The following KCNJ12 variants were observed in gnomAD, a reference collection of about 807,000 sequenced individuals.
The protein encoded by KCNJ12 is potassium inwardly rectifying channel subfamily J member 12.
Under a neutral mutation model 22.3 loss-of-function variants are expected in KCNJ12, and 2 were observed. The ratio of observed to expected loss-of-function variants is 0.09; its 90% CI spans 0.04 to 0.28. The LOEUF (loss-of-function observed/expected upper bound fraction) is 0.28. Among genes scored for constraint, KCNJ12 ranks in the 10% least tolerant of loss-of-function variants. The pLI is 1.00. For synonymous variants in KCNJ12, 117 were observed against 261.4 expected (o/e 0.45, Z 5.33); for missense variants, 155 against 633.3 (o/e 0.24, Z 8.11).
intron 1 of KCNJ12, among the ~76,000 whole-genome samples, chr17:21,388,792 G>A (rs1263438465): frequency 6.6e-6 from 1 of 152,226 alleles, no homozygotes; most frequent in Non-Finnish European, 1.5e-5. Flanking sequence ...GGGGCCACTG[G>A]GGGAGGCGGT....
In KCNJ12 at chr17:21,376,705, C is replaced by G. The variant is rs1238135409; in HGVS notation, c.-387C>G. 6.6e-6 allele frequency: 1 copy of G among 151,540 alleles called. No homozygotes were observed. The highest frequency in any genetic ancestry group is 2.4e-5 in the African/African-American group (1 of 41,352). 9.4% of individuals were successfully genotyped at this position (151,540 alleles called of 1,614,324 possible). On this transcript the variant is annotated 5_prime_UTR_variant, in exon 1 of 3. Transcript: ENST00000583088. This position sits in a 1 kb window ranked among gnomAD's most constrained non-coding sequence, Gnocchi z 5.3. Reference sequence around the variant, plus strand: ...AGCGCCCAGCGGCCGGGGGCGCCGTCCAGGCGCGCGCCCCCGACCCGTGGC... The same window carrying G: ...AGCGCCCAGCGGCCGGGGGCGCCGTGCAGGCGCGCGCCCCCGACCCGTGGC...
intron 1 of KCNJ12, among the ~76,000 whole-genome samples, chr17:21,388,128 T>C (rs1555558905): frequency 6.6e-6 from 1 of 152,216 alleles, no homozygotes; most frequent in African/African-American, 2.4e-5. Flanking sequence ...TTCTGGCAGC[T>C]GCCGGCTCCT....
In KCNJ12 at chr17:21,416,017, G is replaced by A; in HGVS notation, c.675G>A (p.Glu225=). 1.2e-6 allele frequency: 2 copies of A among 1,611,270 alleles called. No homozygotes were observed. The highest frequency in any genetic ancestry group is 3.3e-5 in the Admixed American group (2 of 59,914). Residue 225 remains glutamate (E), a synonymous_variant, in exon 3 of 3, where the codon GAG becomes GAA. Coordinates refer to ENST00000583088, the MANE Select transcript of KCNJ12 (RefSeq NM_021012.5). ...ACCTGCGCAAGAGCCACATTGTGGA[G>A]GCCCATGTGCGCGCGCAGCTCATCA... ...VGNLRKSHIV[E]AHVRAQLIKP...
At chr17:21,396,599 G>A (rs892823622) in intron 1 of KCNJ12, among the ~76,000 whole-genome samples, 1 of 152,160 alleles carries the variant, frequency 6.6e-6, no homozygotes, top group Non-Finnish European at 1.5e-5. Flanking sequence ...GGGATGCCCG[G>A]TGTGGGTATC....
chr17:21,411,589 G>T (rs1906353239), intron 2 of KCNJ12, among the ~76,000 whole-genome samples: 1 of 152,310 alleles, frequency 6.6e-6, no homozygotes, highest in Non-Finnish European at 1.5e-5. Context: ...TGAGCACCTT[G>T]TCTTGGCCCT....
chr17:21,419,174 G>A lies in KCNJ12; in HGVS notation c.*2530G>A. ...GGAGCGAGGAAGACTTGGCCCCTGGGGAGTGTGTGTGTGGAGGCGTGTGCC... is the reference window on the plus strand; with the variant it reads ...GGAGCGAGGAAGACTTGGCCCCTGGAGAGTGTGTGTGTGGAGGCGTGTGCC... On this transcript the variant is annotated 3_prime_UTR_variant, in exon 3 of 3. Coordinates refer to ENST00000583088, the MANE Select transcript of KCNJ12 (RefSeq NM_021012.5). 6.0e-6 allele frequency: 1 copy of A among 167,062 alleles called. No homozygotes were observed. The highest frequency in any genetic ancestry group is 2.4e-5 in the African/African-American group (1 of 41,414). The allele number at this position is 167,062 out of a possible 1,614,324, so 10.3% of individuals were successfully genotyped here.
chr17:21,384,370 G>C (rs1419988901), intron 1 of KCNJ12, among the ~76,000 whole-genome samples: 1 of 152,182 alleles, frequency 6.6e-6, no homozygotes, highest in Non-Finnish European at 1.5e-5. Context: ...CGTTGAGACA[G>C]AGATCCTGGA....
intron 1 of KCNJ12, among the ~76,000 whole-genome samples, chr17:21,395,568 C>CAAAAAAAAAAAAAAAAAAAAAAAAAAAA (rs10652801): frequency 2.1e-5 from 1 of 48,130 alleles, no homozygotes; most frequent in African/African-American, 1.0e-4. Flanking sequence ...GACTTCTTCT[C>CAAAAAAAAAAAAAAAAAAAAAAAAAAAA]AAAAAAAAAA....
At chr17:21,390,365 G>A (rs781827469) in intron 1 of KCNJ12, among the ~76,000 whole-genome samples, 16 of 152,296 alleles carry the variant, frequency 1.1e-4, no homozygotes, top group Non-Finnish European at 2.2e-4. Context: ...ACGCTCCAAG[G>A]CACAAAACAA....
chr17:21,402,007 G>A (rs1388098186), intron 1 of KCNJ12, among the ~76,000 whole-genome samples: 3 of 152,252 alleles, frequency 2.0e-5, no homozygotes, highest in Non-Finnish European at 2.9e-5. Context: ...CTTCCTCTGA[G>A]CGCCATCGAC....
Position 21,396,098 on chromosome 17 carries a change from G to T in KCNJ12, c.-178-12421G>T, listed in dbSNP as rs781884925. On this transcript the variant is annotated intron_variant, in intron 1 of 2. Coordinates refer to ENST00000583088, the MANE Select transcript of KCNJ12 (RefSeq NM_021012.5). ...TGGTGGCTGCCCTGGGCCCCCGGGC[G>T]CAGGCAGGGGCCAGGGGTCATTCCA... 5.7e-4 allele frequency among the ~76,000 whole-genome samples: 87 copies of T among 152,156 alleles called. 3 individuals carry two copies. Among genetic ancestry groups the T allele is most frequent in the Non-Finnish European group, 1.5e-4 (10 of 68,018 alleles).
Position 21,419,295 on chromosome 17 carries a change from CGTGT to C in KCNJ12, c.*2682_*2685del, listed in dbSNP as rs3078445. 3,919 of 157,762 alleles carry C rather than the reference CGTGT, an allele frequency of 0.025. 144 individuals carry two copies. Among genetic ancestry groups the C allele is most frequent in the African/African-American group, 0.083 (3,246 of 39,258 alleles). The allele number at this position is 157,762 out of a possible 1,614,324, so 9.8% of individuals were successfully genotyped here. On this transcript the variant is annotated 3_prime_UTR_variant, in exon 3 of 3. Coordinates refer to ENST00000583088, the MANE Select transcript of KCNJ12 (RefSeq NM_021012.5). Reference sequence around the variant, plus strand: ...TAGTAATACAGATACGTGATCTATACGTGTGTGTGTGTGTGTGTGTGTGTGTGTG... The same window carrying C: ...TAGTAATACAGATACGTGATCTATACGTGTGTGTGTGTGTGTGTGTGTGTG...
intron 1 of KCNJ12, among the ~76,000 whole-genome samples, chr17:21,406,818 G>A (rs1438976076): frequency 6.6e-6 from 1 of 152,310 alleles, no homozygotes; most frequent in African/African-American, 2.4e-5. Context: ...ACCTTGGAAA[G>A]GGCAGGCCCC....
At chr17:21,396,996 G>C (rs1350280034) in intron 1 of KCNJ12, among the ~76,000 whole-genome samples, 2 of 152,238 alleles carry the variant, frequency 1.3e-5, no homozygotes, top group Non-Finnish European at 2.9e-5. Flanking sequence ...ATTCCTAGCT[G>C]TGTGACCCTG....
At chr17:21,384,965 C>A (rs1357740996) in intron 1 of KCNJ12, among the ~76,000 whole-genome samples, 7 of 151,836 alleles carry the variant, frequency 4.6e-5, no homozygotes, top group African/African-American at 1.7e-4. Flanking sequence ...TTAGTAGAGA[C>A]GGGGTTTCAC....
At chr17:21,392,001 C>T (rs916732180) in intron 1 of KCNJ12, among the ~76,000 whole-genome samples, 20 of 152,326 alleles carry the variant, frequency 1.3e-4, no homozygotes, top group African/African-American at 4.3e-4. Flanking sequence ...TACAGGAATC[C>T]GTCTTGCCTC....
At chr17:21,408,875 A>T (rs1401798266) in intron 2 of KCNJ12, among the ~76,000 whole-genome samples, 1 of 151,728 alleles carries the variant, frequency 6.6e-6, no homozygotes, top group Non-Finnish European at 1.5e-5. Context: ...CTGCTCAACC[A>T]TCCATCCACC....
chr17:21,399,252 G>T (rs921521412), intron 1 of KCNJ12, among the ~76,000 whole-genome samples: 40 of 152,204 alleles, frequency 2.6e-4, no homozygotes, highest in Non-Finnish European at 3.8e-4. Context: ...CCGATCATGT[G>T]GCCTTTGGGC....
At chr17:21,392,893 C>T (rs1056363391) in intron 1 of KCNJ12, among the ~76,000 whole-genome samples, 6 of 152,208 alleles carry the variant, frequency 3.9e-5, no homozygotes, top group Middle Eastern at 3.4e-3. Context: ...ATAGGCAGGG[C>T]AGGTGGGGTG....
Sources: gnomAD v4.1 joint callset for allele counts (sites outside exome capture counted in the v4.1 genomes callset) on GRCh38, gnomAD v4.1.1 for gene constraint, Gnocchi (gnomAD v3.1) non-coding constraint, MANE v1.5 for transcripts, NCBI Gene and HGNC (gene_info 2026-07-23, HGNC 2026-07-21) for gene names.